The following WDR3 variants were observed in gnomAD, a reference collection of about 807,000 sequenced individuals.
WDR3 encodes WD repeat domain 3.
Under a neutral mutation model 123.7 loss-of-function variants are expected in WDR3, and 81 were observed. That is an observed-to-expected ratio of 0.65 (90% CI 0.55 to 0.79). The LOEUF is 0.79. Among genes scored for constraint, WDR3 ranks in the 30% least tolerant of loss-of-function variants. The probability of loss-of-function intolerance (pLI) is 0.00; values close to 1 mark genes in which losing one functional copy is unlikely to be tolerated. For synonymous variants in WDR3, 390 were observed against 388.8 expected (o/e 1.00, Z -0.04); for missense variants, 1,027 against 1,123.2 (o/e 0.91, Z 1.22).
rs766553251 is a variant in WDR3, at chr1:117,950,817, GT to G, written c.1747-10del. On this transcript the variant is annotated splice_polypyrimidine_tract_variant and intron_variant, in intron 15 of 26. Transcript: ENST00000349139. Reference sequence around the variant, plus strand: ...TATTTTATAGACAGACATTAATTATGTTTTTTTGATGTTTAGTTTTTTCTGT... The same window carrying G: ...TATTTTATAGACAGACATTAATTATGTTTTTTGATGTTTAGTTTTTTCTGT... 1 of 1,596,374 alleles carries G rather than the reference GT, an allele frequency of 6.3e-7. No homozygotes were observed. The highest frequency in any genetic ancestry group is 1.7e-5 in the Admixed American group (1 of 57,394).
intron 5 of WDR3, 125 bp from the exon 6 acceptor site, chr1:117,939,352 T>C (rs1424918972): frequency 2.2e-6 from 2 of 916,704 alleles, no homozygotes; most frequent in Admixed American, 2.3e-5. Context: ...GTTGTCGATA[T>C]GCCTTTTCTT....
At chr1:117,954,494 A>G (rs1651872576) in intron 22 of WDR3, 86 bp from the exon 23 acceptor site, 1 of 1,343,492 alleles carries the variant, frequency 7.4e-7, no homozygotes, top group Non-Finnish European at 1.0e-6. Flanking sequence ...TTTCAAAATT[A>G]TAAAATACAG....
rs1653661012 is a variant in WDR3 at position 117,965,164 on chromosome 1, T to C, written c.*5717T>C. On this transcript the variant is annotated 3_prime_UTR_variant, in exon 27 of 27. Transcript: ENST00000349139. ...TCATTCTTTACCTTTTGCAATTTAG[T>C]TTTTATCCCAACCAAATTTAACACT... The C allele has an allele frequency of 6.6e-6, 1 of 152,202 alleles. No homozygotes were observed. Among genetic ancestry groups the C allele is most frequent in the African/African-American group, 2.4e-5 (1 of 41,444 alleles). 9.4% of individuals were successfully genotyped at this position (152,202 alleles called of 1,614,324 possible).
chr1:117,952,836 G>T, intron 19 of WDR3, 110 bp from the exon 20 acceptor site: 1 of 1,429,702 alleles, frequency 7.0e-7, no homozygotes, highest in East Asian at 2.3e-5. Flanking sequence ...AGATAAAGAT[G>T]CCATTAGGGT....
rs1553204403 is a variant in WDR3, at chr1:117,940,751, AAACAAC to A, written c.676-59_676-54del. 877 of 1,311,426 alleles carry A rather than the reference AAACAAC, an allele frequency of 6.7e-4. 6 individuals are homozygous for A. Among genetic ancestry groups the A allele is most frequent in the Non-Finnish European group, 2.1e-4 (199 of 944,214 alleles). The allele number at this position is 1,311,426 out of a possible 1,614,324, so 81.2% of individuals were successfully genotyped here. On this transcript the variant is annotated intron_variant, in intron 6 of 26. Coordinates refer to ENST00000349139, the MANE Select transcript of WDR3 (RefSeq NM_006784.3). ...TCCGACAACAACAACAACAACAACA[AAACAAC>A]AACAACAACAACAACATGCCTCCTG...
intron 1 of WDR3, among the ~76,000 whole-genome samples, chr1:117,931,614 TAGAC>T (rs993325860): frequency 2.6e-5 from 4 of 152,134 alleles, no homozygotes; most frequent in Non-Finnish European, 5.9e-5. Flanking sequence ...GGACTGGAAA[TAGAC>T]AGATGGGAGT....
chr1:117,963,632 G>T lies in WDR3; in HGVS notation c.*4185G>T. The T allele has an allele frequency of 2.0e-6, 1 of 505,036 alleles. No individual in the cohort carries two copies. The highest frequency in any genetic ancestry group is 3.4e-6 in the Non-Finnish European group (1 of 294,216). 31.3% of individuals were successfully genotyped at this position (505,036 alleles called of 1,614,324 possible). On this transcript the variant is annotated 3_prime_UTR_variant, in exon 27 of 27. Coordinates refer to ENST00000349139, the MANE Select transcript of WDR3 (RefSeq NM_006784.3). ...ACCCACCTCGGCCTCCCAAAGTGCT[G>T]GGATTACAGGTGTGAGCCACCGGGC... is the stretch of plus-strand genomic sequence containing the variant.
Position 117,942,913 on chromosome 1 carries a change from T to TA in WDR3, c.1097+370dup, listed in dbSNP as rs1237002275. 1.1e-4 allele frequency among the ~76,000 whole-genome samples: 16 copies of TA among 148,648 alleles called. No homozygotes were observed. In the East Asian group the frequency reaches 1.2e-3, roughly 11 times the overall value. ...AGTTTTTTTTTTTTTTTTTTTTTTTTACTTAAAAGCCTACTCAGCTACTAC... is the reference window on the plus strand; with the variant it reads ...AGTTTTTTTTTTTTTTTTTTTTTTTTAACTTAAAAGCCTACTCAGCTACTAC... On this transcript the variant is annotated intron_variant, in intron 10 of 26. Coordinates refer to ENST00000349139, the MANE Select transcript of WDR3 (RefSeq NM_006784.3).
chr1:117,956,771 A>G (rs547610725), intron 24 of WDR3, among the ~76,000 whole-genome samples: 1 of 152,364 alleles, frequency 6.6e-6, no homozygotes, highest in South Asian at 2.1e-4. Flanking sequence ...TGGTAAAAGA[A>G]TATCATATGA....
In WDR3 at chr1:117,948,439, G is replaced by C; in HGVS notation, c.1457G>C (p.Gly486Ala). 1 of 1,613,984 alleles carries C rather than the reference G, an allele frequency of 6.2e-7. No homozygotes were observed. The highest frequency in any genetic ancestry group is 8.5e-7 in the Non-Finnish European group (1 of 1,179,934). Residue 486 changes from glycine to alanine, a missense_variant, in exon 13 of 27, where the codon GGG (glycine) becomes GCG (alanine). Coordinates refer to ENST00000349139, the MANE Select transcript of WDR3 (RefSeq NM_006784.3). ...CTGCAGCTTTATGACTTGGCTTCAG[G>C]GAATCTGCTGGAGACAATAGATGCA... Reference protein sequence around the residue: ...GKLQLYDLASGNLLETIDAHD... With the variant: ...GKLQLYDLASANLLETIDAHD...
Position 117,959,572 on chromosome 1 carries a change from C to A in WDR3, c.*125C>A. On this transcript the variant is annotated 3_prime_UTR_variant, in exon 27 of 27. Transcript: ENST00000349139. ...CAGAAGATCGCATTGCAGATGATATCAGGATGTGGTTTCCAGCTTTGCCTG... is the reference window on the plus strand; with the variant it reads ...CAGAAGATCGCATTGCAGATGATATAAGGATGTGGTTTCCAGCTTTGCCTG... 1 of 1,059,572 alleles carries A rather than the reference C, an allele frequency of 9.4e-7. No homozygotes were observed. Among genetic ancestry groups the A allele is most frequent in the Non-Finnish European group, 1.3e-6 (1 of 780,072 alleles). 65.6% of individuals were successfully genotyped at this position (1,059,572 alleles called of 1,614,324 possible).
rs764663414 is a variant in WDR3 at position 117,934,644 on chromosome 1, T to G, written c.343T>G (p.Tyr115Asp). The change falls in exon 3 of 27, where the codon TAT becomes GAT. Residue 115 changes from tyrosine to aspartate, a missense_variant. Physicochemically the swap from Tyr to Asp is radical, Grantham distance 160. Transcript: ENST00000349139. ...GHKAAITTLKYDQLGGRLASG... is the reference protein window; with the variant it reads ...GHKAAITTLKDDQLGGRLASG... ...CAAAGCAGCTATCACTACCTTGAAG[T>G]ATGATCAGCTAGGAGGCAGACTGGC... is the stretch of plus-strand genomic sequence containing the variant. 1 of 1,613,852 alleles carries G rather than the reference T, an allele frequency of 6.2e-7. No individual in the cohort carries two copies. The highest frequency in any genetic ancestry group is 2.2e-5 in the East Asian group (1 of 44,884).
intron 23 of WDR3, 78 bp from the exon 24 acceptor site, chr1:117,955,237 T>C: frequency 7.9e-7 from 1 of 1,269,152 alleles, no homozygotes; most frequent in Non-Finnish European, 1.1e-6. Context: ...GTTCCTGTTT[T>C]ATAGGAGATA....
intron 10 of WDR3, among the ~76,000 whole-genome samples, chr1:117,942,913 T>TTA (rs1651226118): frequency 6.7e-6 from 1 of 148,558 alleles, no homozygotes; most frequent in African/African-American, 2.5e-5. Context: ...TTTTTTTTTT[T>TTA]ACTTAAAAGC....
chr1:117,952,221 A>G, intron 17 of WDR3, 76 bp from the exon 18 acceptor site: 2 of 1,465,056 alleles, frequency 1.4e-6, no homozygotes, highest in South Asian at 2.5e-5. Flanking sequence ...AGCTAGTCAA[A>G]AGCTATTTAT....
At chr1:117,951,119 T>C (rs1313364030) in intron 16 of WDR3, among the ~76,000 whole-genome samples, 1 of 152,038 alleles carries the variant, frequency 6.6e-6, no homozygotes, top group Non-Finnish European at 1.5e-5. Flanking sequence ...CTTATAAATA[T>C]TATCTCTTTC....
chr1:117,941,689 G>T (rs1571013591), intron 8 of WDR3, 61 bp from the exon 9 acceptor site: 2 of 1,555,400 alleles, frequency 1.3e-6, no homozygotes, highest in East Asian at 4.5e-5. Context: ...ACTTTTAATT[G>T]AGAATTAGGT....
At chr1:117,934,750 G>A in intron 3 of WDR3, 68 bp downstream of exon 3, 1 of 1,555,630 alleles carries the variant, frequency 6.4e-7, no homozygotes, top group Non-Finnish European at 8.7e-7. Context: ...GAAGCAAGTT[G>A]TTGACAAAAA....
At chr1:117,933,548 A>G in intron 2 of WDR3, 58 bp downstream of exon 2, 2 of 1,601,874 alleles carry the variant, frequency 1.2e-6, no homozygotes, top group Non-Finnish European at 1.7e-6. Context: ...ATGGAGAGGT[A>G]GTAGAAGTGG....
Sources: allele counts gnomAD v4.1 joint callset (sites outside exome capture counted in the v4.1 genomes callset), GRCh38; gene constraint gnomAD v4.1.1; transcripts MANE v1.5; gene names NCBI Gene and HGNC (gene_info 2026-07-23, HGNC 2026-07-21).